ERI1: variants seen among roughly 807,000 people sequenced by gnomAD.
ERI1 encodes exoribonuclease 1.
ERI1 carries 39 observed loss-of-function variants against 39.7 expected under a neutral mutation model. The ratio of observed to expected loss-of-function variants is 0.98; its 90% CI spans 0.76 to 1.28. The LOEUF (loss-of-function observed/expected upper bound fraction) is 1.28, where lower values mean the gene tolerates loss of function less well. ERI1 is among the 50% of genes most tolerant of loss of function. ERI1 has a pLI of 0.00. For synonymous variants in ERI1, 204 were observed against 149.6 expected (o/e 1.36, Z -2.65); for missense variants, 581 against 416.9 (o/e 1.39, Z -3.43).
chr8:9,049,491 T>C (rs1235265814), intron 3 of ERI1, among the ~76,000 whole-genome samples: 1 of 151,822 alleles, frequency 6.6e-6, no homozygotes, highest in Non-Finnish European at 1.5e-5. Context: ...AACTAGACCT[T>C]TGGATCTTGT....
chr8:9,017,943 C>A (rs968723153), intron 4 of ERI1, among the ~76,000 whole-genome samples: 1 of 152,134 alleles, frequency 6.6e-6, no homozygotes, highest in African/African-American at 2.4e-5. Context: ...GATGGGAAGA[C>A]ACTTAGGGAG....
Position 9,008,066 on chromosome 8 carries a change from A to G in ERI1, c.205A>G (p.Ile69Val). The change falls in exon 2 of 7, where the codon ATT (isoleucine) becomes GTT (valine). Residue 69 changes from isoleucine to valine, a missense_variant. Ile to Val is a conservative substitution (Grantham distance 29). Coordinates refer to ENST00000250263, the MANE Select transcript of ERI1 (RefSeq NM_153332.4). Reference sequence around the variant, plus strand: ...CTTCAGTGACCCGGTTTACAAAGAGATTGCCATTACGAATGGCTGTATTAA... The same window carrying G: ...CTTCAGTGACCCGGTTTACAAAGAGGTTGCCATTACGAATGGCTGTATTAA... ...SDFSDPVYKE[I>V]AITNGCINRM... 1.2e-6 allele frequency: 2 copies of G among 1,610,598 alleles called. No homozygotes were observed. The highest frequency in any genetic ancestry group is 1.7e-6 in the Non-Finnish European group (2 of 1,179,304).
intron 3 of ERI1, among the ~76,000 whole-genome samples, chr8:9,066,603 T>C (rs769520808): frequency 1.3e-5 from 2 of 152,226 alleles, no homozygotes; most frequent in Non-Finnish European, 2.9e-5. Context: ...TGTGAAGATG[T>C]AGGACATTTT....
In ERI1 at chr8:9,083,365, A is replaced by G. The variant is rs555365647; in HGVS notation, n.300-32983A>G. Among the ~76,000 whole-genome samples, 6 of 152,306 alleles carry G rather than the reference A, an allele frequency of 3.9e-5. No individual in the cohort carries two copies. The South Asian group carries it at 1.2e-3, about 32-fold the overall frequency. On this transcript the variant is annotated intron_variant and non_coding_transcript_variant, in intron 3 of 3. Transcript: ENST00000518663. ...CTGCCCCCTAAAGAAAGCATACCGTAACAAGAGAAAGCATACCATCTAGGG... is the reference window on the plus strand; with the variant it reads ...CTGCCCCCTAAAGAAAGCATACCGTGACAAGAGAAAGCATACCATCTAGGG...
At chr8:9,095,273 A>G (rs1017721363) in intron 3 of ERI1, among the ~76,000 whole-genome samples, 16 of 152,218 alleles carry the variant, frequency 1.1e-4, no homozygotes, top group Non-Finnish European at 2.1e-4. Flanking sequence ...GTTCTGTTGA[A>G]TAGATTGGGT....
chr8:9,028,163 A>G (rs1446186232), intron 6 of ERI1, among the ~76,000 whole-genome samples: 1 of 152,166 alleles, frequency 6.6e-6, no homozygotes, highest in Non-Finnish European at 1.5e-5. Context: ...AATTCTTTAA[A>G]TATTTGCTTG....
chr8:9,063,951 C>A (rs1437400775), intron 3 of ERI1, among the ~76,000 whole-genome samples: 11 of 151,346 alleles, frequency 7.3e-5, no homozygotes, highest in Admixed American at 6.6e-4. Flanking sequence ...GTGAAGGAGG[C>A]AAGCCCAGAG....
chr8:9,011,033 A>G (rs1419015299), intron 2 of ERI1, among the ~76,000 whole-genome samples: 1 of 152,198 alleles, frequency 6.6e-6, no homozygotes, highest in African/African-American at 2.4e-5. Flanking sequence ...TAGGCTCATA[A>G]TGCTTTCATA....
At position 9,024,365 on chromosome 8, in the gene ERI1, A is replaced by C. The variant is rs547781453; in HGVS notation, c.807+3901A>C. 4.6e-5 allele frequency among the ~76,000 whole-genome samples: 7 copies of C among 152,282 alleles called. No individual in the cohort carries two copies. In the South Asian group the frequency reaches 1.5e-3, roughly 32 times the overall value. On this transcript the variant is annotated intron_variant, in intron 6 of 6. Transcript: ENST00000250263. ...GCGCAAATGTGGAGTTAGCATTTAC[A>C]AAATTATACAGCTGTTTCTTTTTGC...
intron 3 of ERI1, among the ~76,000 whole-genome samples, chr8:9,074,301 G>C (rs985368853): frequency 6.6e-6 from 1 of 151,014 alleles, no homozygotes; most frequent in Non-Finnish European, 1.5e-5. Flanking sequence ...AGTAGAGACA[G>C]AGTTTCACCA....
chr8:9,092,976 G>T (rs1430863514), intron 3 of ERI1, among the ~76,000 whole-genome samples: 1 of 152,164 alleles, frequency 6.6e-6, no homozygotes, highest in Non-Finnish European at 1.5e-5. Flanking sequence ...TGGCTCGTGG[G>T]CCCATCACTC....
intron 1 of ERI1, chr8:9,004,066 G>T: frequency 7.8e-7 from 1 of 1,289,010 alleles, no homozygotes; most frequent in Non-Finnish European, 1.0e-6. Context: ...TTTCCCTTTT[G>T]TTCCCAGTGC....
intron 3 of ERI1, among the ~76,000 whole-genome samples, chr8:9,064,250 T>A (rs201571261): frequency 2.7e-3 from 3 of 1,092 alleles, no homozygotes. Flanking sequence ...GTTGGGGGGG[T>A]TTCTTGCCCC....
In ERI1 at chr8:9,031,448, A is replaced by G. The variant is rs898568581; in HGVS notation, c.*1414A>G. On this transcript the variant is annotated 3_prime_UTR_variant, in exon 7 of 7. Transcript: ENST00000250263. ...GGTGTTCCTAGATGAACTGTTACAG[A>G]TTATAGTAAAATAAGGAAATCTAAG... 2 of 152,212 alleles carry G rather than the reference A, an allele frequency of 1.3e-5. No homozygotes were observed. Among genetic ancestry groups the G allele is most frequent in the African/African-American group, 2.4e-5 (1 of 41,452 alleles). The allele number at this position is 152,212 out of a possible 1,614,324, so 9.4% of individuals were successfully genotyped here.
intron 3 of ERI1, among the ~76,000 whole-genome samples, chr8:9,085,332 C>T (rs1011828383): frequency 1.3e-5 from 2 of 152,044 alleles, no homozygotes; most frequent in Non-Finnish European, 2.9e-5. Context: ...CTTCAGCCTC[C>T]CAAGGAGATG....
intron 3 of ERI1, chr8:9,096,763 C>G (rs1799890251): frequency 7.0e-6 from 1 of 142,256 alleles, no homozygotes; most frequent in Non-Finnish European, 1.5e-5. Context: ...ACTCTGTCAC[C>G]CAGGCTGGAA....
Position 9,030,163 on chromosome 8 carries a change from T to C in ERI1, c.*129T>C. ...ACATTTAAAATCTTATTACAGGTGA[T>C]AGAGATAGATACATGTATGTGAACA... On this transcript the variant is annotated 3_prime_UTR_variant, in exon 7 of 7. Coordinates refer to ENST00000250263, the MANE Select transcript of ERI1 (RefSeq NM_153332.4). 1 of 1,201,822 alleles carries C rather than the reference T, an allele frequency of 8.3e-7. No individual in the cohort carries two copies. The highest frequency in any genetic ancestry group is 1.1e-6 in the Non-Finnish European group (1 of 871,520). The allele number at this position is 1,201,822 out of a possible 1,614,324, so 74.4% of individuals were successfully genotyped here.
At position 9,004,485 on chromosome 8, in the gene ERI1, C is replaced by CTTT. The variant is rs71201904; in HGVS notation, c.108+1338_108+1340dup. Among the ~76,000 whole-genome samples the CTTT allele has an allele frequency of 3.6e-4, 28 of 78,304 alleles. 1 individual carries two copies. The highest frequency in any genetic ancestry group is 1.0e-3 in the African/African-American group (21 of 20,060). 51.4% of individuals were successfully genotyped at this position (78,304 alleles called of 152,430 possible). On this transcript the variant is annotated intron_variant, in intron 1 of 6. Coordinates refer to ENST00000250263, the MANE Select transcript of ERI1 (RefSeq NM_153332.4). ...CTGTTGCATGCTCTTTATAGTGATA[C>CTTT]TTTTTTTTTTTTTTTTTTTTTTTTT...
intron 3 of ERI1, among the ~76,000 whole-genome samples, chr8:9,063,742 T>G (rs1288568525): frequency 6.6e-6 from 1 of 152,132 alleles, no homozygotes; most frequent in African/African-American, 2.4e-5. Context: ...TATTTAGATC[T>G]TGTAGGATGG....
Sources: allele counts gnomAD v4.1 joint callset (sites outside exome capture counted in the v4.1 genomes callset), GRCh38; gene constraint gnomAD v4.1.1; transcripts MANE v1.5; gene names NCBI Gene and HGNC (gene_info 2026-07-23, HGNC 2026-07-21).